The following CENPN variants were observed in gnomAD, a reference collection of about 807,000 sequenced individuals.
CENPN encodes the protein centromere protein N.
A neutral mutation model predicts 48.6 loss-of-function variants in CENPN; 36 were observed. That is an observed-to-expected ratio of 0.74 (90% CI 0.57 to 0.98). CENPN has a LOEUF of 0.98. CENPN is among the 50% of genes least tolerant of loss of function. The probability of loss-of-function intolerance (pLI) is 0.00; values close to 1 mark genes in which losing one functional copy is unlikely to be tolerated. For synonymous variants in CENPN, 166 were observed against 135.2 expected (o/e 1.23, Z -1.58); for missense variants, 439 against 399.2 (o/e 1.10, Z -0.85).
intron 1 of CENPN, among the ~76,000 whole-genome samples, chr16:81,010,175 G>A (rs1477757746): frequency 6.6e-6 from 1 of 152,088 alleles, no homozygotes; most frequent in African/African-American, 2.4e-5. Flanking sequence ...TCCAGCCCGG[G>A]CGACAGAGTG....
rs548208049 is a variant in CENPN, at chr16:81,008,357, CTG to C, written c.-11+1083_-11+1084del. 4.5e-4 allele frequency among the ~76,000 whole-genome samples: 68 copies of C among 152,122 alleles called. 3 individuals are homozygous for C. In the South Asian group the frequency reaches 0.013, roughly 30 times the overall value. On this transcript the variant is annotated intron_variant, in intron 1 of 10. Coordinates refer to ENST00000305850, the MANE Select transcript of CENPN (RefSeq NM_001100624.3). ...TCTTCATTTTAACGGGTAGCCTCGTCTGTGGGTTTTTTTGTTTGTTTTTTGTT... is the reference window on the plus strand; with the variant it reads ...TCTTCATTTTAACGGGTAGCCTCGTCTGGGTTTTTTTGTTTGTTTTTTGTT...
intron 6 of CENPN, among the ~76,000 whole-genome samples, chr16:81,020,744 C>A (rs929649440): frequency 3.9e-5 from 6 of 152,076 alleles, no homozygotes; most frequent in Admixed American, 3.9e-4. Flanking sequence ...TCCGTTCGTT[C>A]AAAATAACTA....
In CENPN at chr16:81,028,560, T is replaced by A. The variant is rs1567557209; in HGVS notation, c.938-9T>A. On this transcript the variant is annotated splice_polypyrimidine_tract_variant and intron_variant, in intron 10 of 10. Transcript: ENST00000305850. The stretch of plus-strand genomic sequence containing the variant: ...TTTCTTTTTCCCTTTTTTTTTTTTT[T>A]AATTTCAGGTATTGCAGATGCTCCA... 1.9e-6 allele frequency: 3 copies of A among 1,567,466 alleles called. No homozygotes were observed. Among genetic ancestry groups the A allele is most frequent in the African/African-American group, 1.5e-5 (1 of 66,470 alleles).
intron 2 of CENPN, among the ~76,000 whole-genome samples, chr16:81,013,426 G>T (rs577220222): frequency 4.4e-4 from 67 of 152,304 alleles, no homozygotes; most frequent in African/African-American, 1.5e-3. Context: ...GAAGTGGGCG[G>T]TGATAAGAAA....
In CENPN at chr16:81,011,958, G is replaced by C. The variant is rs779438119; in HGVS notation, c.19G>C (p.Glu7Gln). The C allele has an allele frequency of 6.2e-7, 1 of 1,614,130 alleles. No individual in the cohort carries two copies. Among genetic ancestry groups the C allele is most frequent in the South Asian group, 1.1e-5 (1 of 91,082 alleles). Residue 7 changes from glutamate to glutamine, a missense_variant, in exon 2 of 11, where the codon GAG (glutamate) becomes CAG (glutamine). By Grantham distance (29) the Glu-to-Gln change is conservative. Coordinates refer to ENST00000305850, the MANE Select transcript of CENPN (RefSeq NM_001100624.3). ...CAAAGAGATGGATGAGACTGTTGCT[G>C]AGTTCATCAAGAGGACCATCTTGAA... MDETVA[E>Q]FIKRTILKIP...
downstream of CENPN, chr16:81,032,604 T>C (rs1285951606): frequency 1.9e-6 from 3 of 1,613,456 alleles, no homozygotes; most frequent in Non-Finnish European, 2.5e-6. Flanking sequence ...TGCTCTGCTA[T>C]TCTGGAAGCC....
Position 81,018,199 on chromosome 16 carries a change from CAG to C in CENPN, c.354+368_354+369del, listed in dbSNP as rs1221227677. Among the ~76,000 whole-genome samples, 9 of 151,120 alleles carry C rather than the reference CAG, an allele frequency of 6.0e-5. No homozygotes were observed. In the East Asian group the frequency reaches 1.7e-3, roughly 29 times the overall value. ...TTTTTTTTTTTTTCTTTCCTTGAGA[CAG>C]AGTCTTACTCTGTTGCCCAGGCTGG... is the stretch of plus-strand genomic sequence containing the variant. On this transcript the variant is annotated intron_variant, in intron 5 of 10. Transcript: ENST00000305850.
In CENPN at chr16:81,028,217, AGAGGG is replaced by A; in HGVS notation, c.858_862del (p.Glu288ThrfsTer10). 6.2e-7 allele frequency: 1 copy of A among 1,613,278 alleles called. No homozygotes were observed. Among genetic ancestry groups the A allele is most frequent in the South Asian group, 1.1e-5 (1 of 91,074 alleles). ...GGTTTAAATGGGAGCATCTTGGCTG[AGAGGG>A]AAGAACCCCTCCGATGCCTAATAAA... On this transcript the variant is annotated frameshift_variant, in exon 10 of 11. Coordinates refer to ENST00000305850, the MANE Select transcript of CENPN (RefSeq NM_001100624.3). LOFTEE classifies it high-confidence loss of function.
intron 1 of CENPN, 99 bp from the exon 2 acceptor site, chr16:81,011,831 T>C: frequency 1.0e-6 from 1 of 996,654 alleles, no homozygotes; most frequent in African/African-American, 1.6e-5. Flanking sequence ...AGTGAGACCC[T>C]GTCTCTATTT....
chr16:81,028,013 A>T lies in CENPN; in HGVS notation c.811-158A>T, dbSNP rs79599609. Among the ~76,000 whole-genome samples, 5,430 of 152,176 alleles carry T rather than the reference A, an allele frequency of 0.036. 329 individuals are homozygous for T. The highest frequency in any genetic ancestry group is 0.12 in the African/African-American group (4,942 of 41,518). ...AGCCACTTTGCCCGACCTGCCCTCT[A>T]TGTTTGCAGTTAGCAGATTAAATGG... On this transcript the variant is annotated intron_variant, in intron 9 of 10. Coordinates refer to ENST00000305850, the MANE Select transcript of CENPN (RefSeq NM_001100624.3).
At position 81,030,681 on chromosome 16, in the gene CENPN, A is replaced by C. The variant is rs1259187806; in HGVS notation, c.*2030A>C. On this transcript the variant is annotated 3_prime_UTR_variant, in exon 11 of 11. Coordinates refer to ENST00000305850, the MANE Select transcript of CENPN (RefSeq NM_001100624.3). Reference sequence around the variant, plus strand: ...GGAGAACTGGTTGAACCGGGGAGGCAGAGGTTGCAGTGAGCCAAGATCATG... The same window carrying C: ...GGAGAACTGGTTGAACCGGGGAGGCCGAGGTTGCAGTGAGCCAAGATCATG... 1 of 152,296 alleles carries C rather than the reference A, an allele frequency of 6.6e-6. No homozygotes were observed. Among genetic ancestry groups the C allele is most frequent in the Non-Finnish European group, 1.5e-5 (1 of 68,138 alleles). 9.4% of individuals were successfully genotyped at this position (152,296 alleles called of 1,614,324 possible).
At chr16:81,021,511 G>C (rs1198940531) in intron 6 of CENPN, among the ~76,000 whole-genome samples, 1 of 152,140 alleles carries the variant, frequency 6.6e-6, no homozygotes, top group East Asian at 1.9e-4. Context: ...GGTGCGGTGT[G>C]GAGTACCAAG....
At chr16:81,028,486 A>G in intron 10 of CENPN, 83 bp from the exon 11 acceptor site, 1 of 1,567,324 alleles carries the variant, frequency 6.4e-7, no homozygotes, top group South Asian at 1.2e-5. Flanking sequence ...CTCTAATCTC[A>G]GCCATTTTTA....
intron 7 of CENPN, 23 bp from the exon 8 acceptor site, chr16:81,024,692 A>G: frequency 6.5e-7 from 1 of 1,545,560 alleles, no homozygotes; most frequent in East Asian, 2.3e-5. Context: ...AGATTAGTAA[A>G]ATATTCACTT....
At position 81,012,110 on chromosome 16, in the gene CENPN, G is replaced by A; in HGVS notation, c.171G>A (p.Glu57=). ...TTCAGCACTTGATCCATCTGTGTGA[G>A]GTAACAGTGTTAAAAATGATGAGCC... ...SVVQHLIHLC[E]EKRASISDAA... Residue 57 remains glutamate, a splice_region_variant and synonymous_variant, in exon 2 of 11, where the codon GAG becomes GAA. Transcript: ENST00000305850. The A allele has an allele frequency of 6.2e-7, 1 of 1,613,646 alleles. No homozygotes were observed. Among genetic ancestry groups the A allele is most frequent in the Non-Finnish European group, 8.5e-7 (1 of 1,179,678 alleles).
In CENPN at chr16:81,017,333, A is replaced by C. The variant is rs117418344; in HGVS notation, c.225A>C (p.Gln75His). Residue 75 changes from glutamine (Q) to histidine (H), a missense_variant, in exon 4 of 11, where the codon CAA (glutamine) becomes CAC (histidine). By Grantham distance (24) the Gln-to-His change is conservative. Coordinates refer to ENST00000305850, the MANE Select transcript of CENPN (RefSeq NM_001100624.3). ...DAALLDIIYM[Q>H]FHQHQKVWEV... ...CTTTCTTCCCTCTCTCAGATATGCA[A>C]TTTCATCAGCACCAGAAAGTTTGGG... The C allele has an allele frequency of 7.9e-5, 126 of 1,596,092 alleles. No homozygotes were observed. The highest frequency in any genetic ancestry group is 1.1e-4 in the Non-Finnish European group (123 of 1,164,344).
downstream of CENPN, chr16:81,032,522 A>G (rs374453015): frequency 3.3e-5 from 50 of 1,525,142 alleles, no homozygotes; most frequent in East Asian, 4.8e-4. Context: ...CTTTTCTCCT[A>G]TTAATCCGTC....
intron 3 of CENPN, 93 bp downstream of exon 3, chr16:81,014,274 G>T: frequency 9.3e-7 from 1 of 1,072,932 alleles, no homozygotes; most frequent in Non-Finnish European, 1.4e-6. Flanking sequence ...TCCCTCTGTC[G>T]CCCAGGCTGG....
At chr16:81,024,214 C>G (rs200358746) in intron 7 of CENPN, 1 of 151,284 alleles carries the variant, frequency 6.6e-6, no homozygotes, top group Admixed American at 6.6e-5. Context: ...CACTCCAGCC[C>G]GAGCAACAGA....
Sources: gnomAD v4.1 joint callset for allele counts (sites outside exome capture counted in the v4.1 genomes callset) on GRCh38, gnomAD v4.1.1 for gene constraint, MANE v1.5 for transcripts, NCBI Gene and HGNC (gene_info 2026-07-23, HGNC 2026-07-21) for gene names.